FKBP5: variants seen among roughly 807,000 people sequenced by gnomAD.
The protein encoded by FKBP5 is peptidyl-prolyl cis-trans isomerase FKBP5.
A neutral mutation model predicts 50.5 loss-of-function variants in FKBP5; 23 were observed. The ratio of observed to expected loss-of-function variants is 0.46; its 90% CI spans 0.33 to 0.65. The LOEUF is 0.65. Among genes scored for constraint, FKBP5 ranks in the 30% least tolerant of loss-of-function variants. The probability of loss-of-function intolerance (pLI) is 0.02; values close to 1 mark genes in which losing one functional copy is unlikely to be tolerated. For synonymous variants in FKBP5, 176 were observed against 190.6 expected (o/e 0.92, Z 0.63); for missense variants, 411 against 553.1 (o/e 0.74, Z 2.58).
chr6:35,592,276 A>G (rs926920734), intron 6 of FKBP5, among the ~76,000 whole-genome samples: 1 of 152,218 alleles, frequency 6.6e-6, no homozygotes, highest in Non-Finnish European at 1.5e-5. Context: ...CAAAGGGACT[A>G]GAGTGGGAAC....
chr6:35,584,911 A>G (rs982809403), intron 8 of FKBP5: 49 of 985,462 alleles, frequency 5.0e-5, no homozygotes, highest in Middle Eastern at 1.0e-3. Context: ...CTGATAAGCA[A>G]CAAAGTTAAG....
intron 1 of FKBP5, among the ~76,000 whole-genome samples, chr6:35,665,189 T>C (rs1765179501): frequency 6.6e-6 from 1 of 152,130 alleles, no homozygotes; most frequent in South Asian, 2.1e-4. Context: ...CATTACTCTC[T>C]AATTCATGGA....
intron 8 of FKBP5, chr6:35,583,084 C>G: frequency 1.0e-6 from 1 of 984,920 alleles, no homozygotes; most frequent in Non-Finnish European, 1.2e-6. Context: ...AAGACCCTCT[C>G]TCTCTAAAAA....
At chr6:35,607,183 C>G (rs949131943) in intron 5 of FKBP5, among the ~76,000 whole-genome samples, 3 of 152,140 alleles carry the variant, frequency 2.0e-5, no homozygotes, top group African/African-American at 7.2e-5. Flanking sequence ...AATGATCCAC[C>G]CACCTCAGCC....
At chr6:35,606,686 A>G (rs1763330911) in intron 5 of FKBP5, among the ~76,000 whole-genome samples, 1 of 149,378 alleles carries the variant, frequency 6.7e-6, no homozygotes, top group Non-Finnish European at 1.5e-5. Context: ...AAAAAAAAAA[A>G]AAAAAAAAAA....
At chr6:35,583,095 C>T (rs1365175306) in intron 8 of FKBP5, 1 of 985,110 alleles carries the variant, frequency 1.0e-6, no homozygotes, top group Non-Finnish European at 1.2e-6. Context: ...TCTCTAAAAA[C>T]AATACCAACA....
chr6:35,594,259 T>G (rs564038201), intron 6 of FKBP5, among the ~76,000 whole-genome samples: 1 of 151,224 alleles, frequency 6.6e-6, no homozygotes, highest in South Asian at 2.1e-4. Context: ...GAGCTTGAGG[T>G]GGGAGGATCC....
intron 8 of FKBP5, chr6:35,586,707 A>G (rs1762610799): frequency 8.7e-7 from 1 of 1,150,642 alleles, no homozygotes; most frequent in Non-Finnish European, 1.1e-6. Context: ...TCATTCCAAA[A>G]ACACTTGTTG....
At chr6:35,691,939 G>A (rs1400505663), upstream of FKBP5, among the ~76,000 whole-genome samples, 3 of 152,064 alleles carry the variant, frequency 2.0e-5, no homozygotes, top group African/African-American at 7.2e-5. Flanking sequence ...TGCTGCCGCC[G>A]TCTTGAAATT....
At position 35,637,457 on chromosome 6, in the gene FKBP5, CTTTTTTTT is replaced by C. The variant is rs71002581; in HGVS notation, c.106-307_106-300del. ...ATGCCCTATATTTTGACAGTAAACT[CTTTTTTTT>C]TTTTTTTTTTTTTTTTGAGACGGAG... On this transcript the variant is annotated intron_variant, in intron 2 of 10. Coordinates refer to ENST00000357266, the MANE Select transcript of FKBP5 (RefSeq NM_004117.4). Among the ~76,000 whole-genome samples the C allele has an allele frequency of 1.2e-4, 9 of 73,280 alleles. No individual in the cohort carries two copies. In the East Asian group the frequency reaches 2.2e-3, roughly 18 times the overall value. The allele number at this position is 73,280 out of a possible 152,430, so 48.1% of individuals were successfully genotyped here.
At chr6:35,681,170 C>T (rs886549850) in intron 1 of FKBP5, among the ~76,000 whole-genome samples, 4 of 152,138 alleles carry the variant, frequency 2.6e-5, no homozygotes, top group African/African-American at 9.6e-5. Flanking sequence ...GCTTTCTTTC[C>T]TTTATTAAAG....
chr6:35,601,108 G>A (rs1462991502), intron 5 of FKBP5, among the ~76,000 whole-genome samples: 2 of 152,168 alleles, frequency 1.3e-5, no homozygotes, highest in Non-Finnish European at 2.9e-5. Flanking sequence ...AAACATTTGT[G>A]ATAGCTCTTA....
At chr6:35,719,453 T>G (rs1288111912) in intron 2 of FKBP5, among the ~76,000 whole-genome samples, 1 of 152,166 alleles carries the variant, frequency 6.6e-6, no homozygotes, top group Non-Finnish European at 1.5e-5. Context: ...TCTGTGCATT[T>G]TACTGGATGT....
At chr6:35,697,474 G>A (rs2151017671) in intron 2 of FKBP5, among the ~76,000 whole-genome samples, 1 of 151,760 alleles carries the variant, frequency 6.6e-6, no homozygotes, top group East Asian at 1.9e-4. Context: ...TTGAACCCAG[G>A]AGGTGGAGGT....
intron 2 of FKBP5, among the ~76,000 whole-genome samples, chr6:35,640,264 T>C (rs1488716553): frequency 6.6e-6 from 1 of 152,264 alleles, no homozygotes; most frequent in Non-Finnish European, 1.5e-5. Context: ...TTTGGCCTAC[T>C]GCTCCAAGGC....
At chr6:35,652,910 ATT>A (rs1275202565) in intron 1 of FKBP5, among the ~76,000 whole-genome samples, 1 of 152,086 alleles carries the variant, frequency 6.6e-6, no homozygotes, top group African/African-American at 2.4e-5. Flanking sequence ...CAGCTTTAAA[ATT>A]TCTCTCTTTT....
chr6:35,670,800 A>C (rs1765365372), intron 1 of FKBP5, among the ~76,000 whole-genome samples: 1 of 152,118 alleles, frequency 6.6e-6, no homozygotes, highest in African/African-American at 2.4e-5. Flanking sequence ...CATTAGCTGC[A>C]GAGTAGACAA....
rs1764326202 is a variant in FKBP5, at chr6:35,637,004, A to G, written c.250+10T>C. 6.3e-7 allele frequency: 1 copy of G among 1,576,884 alleles called. No homozygotes were observed. The highest frequency in any genetic ancestry group is 2.1e-5 in the Admixed American group (1 of 47,092). On this transcript the variant is annotated intron_variant, in intron 3 of 10. Coordinates refer to ENST00000357266, the MANE Select transcript of FKBP5 (RefSeq NM_004117.4). ...TAAGTAAAACACAACTCAAAAAAAT[A>G]CCCTCTTACCTTTGCCAAGACTAAA...
At chr6:35,702,989 C>T (rs985296214) in intron 2 of FKBP5, among the ~76,000 whole-genome samples, 1 of 152,112 alleles carries the variant, frequency 6.6e-6, no homozygotes, top group African/African-American at 2.4e-5. Flanking sequence ...GTGACTCATG[C>T]CTGTAATTTC....
Sources: allele counts gnomAD v4.1 joint callset (sites outside exome capture counted in the v4.1 genomes callset), GRCh38; gene constraint gnomAD v4.1.1; transcripts MANE v1.5; gene names NCBI Gene and HGNC (gene_info 2026-07-23, HGNC 2026-07-21).